The following MAST4 variants were observed in gnomAD, a reference collection of about 807,000 sequenced individuals.
The protein encoded by MAST4 is microtubule associated serine/threonine kinase family member 4, also known as microtubule-associated serine/threonine-protein kinase 4.
Under a neutral mutation model 162.7 loss-of-function variants are expected in MAST4, and 89 were observed. The observed-to-expected ratio is 0.55, with a 90% CI of 0.46 to 0.65. The LOEUF (loss-of-function observed/expected upper bound fraction) is 0.65. Among genes scored for constraint, MAST4 ranks in the 30% least tolerant of loss-of-function variants. The probability of loss-of-function intolerance (pLI) is 0.00; values close to 1 mark genes in which losing one functional copy is unlikely to be tolerated. For synonymous variants in MAST4, 1,479 were observed against 1,361.1 expected (o/e 1.09, Z -1.91); for missense variants, 3,153 against 3,374.0 (o/e 0.93, Z 1.62).
At chr5:66,819,496 G>T (rs1257905954) in intron 3 of MAST4, among the ~76,000 whole-genome samples, 4 of 152,080 alleles carry the variant, frequency 2.6e-5, no homozygotes, top group Non-Finnish European at 4.4e-5. Flanking sequence ...TTGCACAGGC[G>T]CTTCAGATCT....
At position 66,759,612 on chromosome 5, in the gene MAST4, A is replaced by G. The variant is rs546405941; in HGVS notation, c.364-97A>G. On this transcript the variant is annotated intron_variant, in intron 1 of 28. Transcript: ENST00000403625. ...CAGTGTTGGGAGAATGGAGTTTGAG[A>G]AGGAAAAGAAAGGAAGAAAAAGTGT... 11 of 1,442,340 alleles carry G rather than the reference A, an allele frequency of 7.6e-6. No homozygotes were observed. The East Asian group carries it at 2.6e-4, about 34-fold the overall frequency. 89.3% of individuals were successfully genotyped at this position (1,442,340 alleles called of 1,614,324 possible).
At chr5:66,745,821 T>C (rs1012512411) in intron 1 of MAST4, among the ~76,000 whole-genome samples, 1 of 152,246 alleles carries the variant, frequency 6.6e-6, no homozygotes, top group African/African-American at 2.4e-5. Context: ...CTTTAACCTT[T>C]AGCGCAATGT....
intron 1 of MAST4, among the ~76,000 whole-genome samples, chr5:66,649,837 G>T (rs76492109): frequency 0.02 from 3,018 of 152,186 alleles, 97 homozygotes; most frequent in African/African-American, 0.068. Flanking sequence ...GTCTGAGGTG[G>T]GTGGATTGCA....
chr5:66,873,178 G>A (rs1328652685), intron 3 of MAST4, among the ~76,000 whole-genome samples: 1 of 152,148 alleles, frequency 6.6e-6, no homozygotes, highest in Non-Finnish European at 1.5e-5. Context: ...GGTTTAAAAG[G>A]TCACATTCTT....
At position 67,106,136 on chromosome 5, in the gene MAST4, A is replaced by G. The variant is rs897946317; in HGVS notation, c.1356+1561A>G. 1.6e-4 allele frequency among the ~76,000 whole-genome samples: 24 copies of G among 152,150 alleles called. No homozygotes were observed. In the South Asian group the frequency reaches 4.8e-3, roughly 30 times the overall value. ...ATTTCTCTTCCAACTCCCGTTTTCT[A>G]CAAGTTTTCTCACGATCTCATCTTT... On this transcript the variant is annotated intron_variant, in intron 10 of 28. Transcript: ENST00000403625.
At chr5:66,607,639 G>T (rs561961275) in intron 1 of MAST4, among the ~76,000 whole-genome samples, 1 of 152,274 alleles carries the variant, frequency 6.6e-6, no homozygotes, top group South Asian at 2.1e-4. Context: ...GCAGGAATTT[G>T]GTCAGTAGTG....
intron 1 of MAST4, among the ~76,000 whole-genome samples, chr5:66,607,768 T>G (rs1466990678): frequency 6.6e-6 from 1 of 152,184 alleles, no homozygotes; most frequent in Non-Finnish European, 1.5e-5. Context: ...TAGCTACAGT[T>G]TTTTTATTTG....
chr5:67,043,465 A>T (rs72763040), intron 4 of MAST4, among the ~76,000 whole-genome samples: 8,901 of 152,238 alleles, frequency 0.058, 354 homozygotes, highest in Non-Finnish European at 0.086. Flanking sequence ...TTATTTCCAA[A>T]AAGGAAGATT....
intron 2 of MAST4, among the ~76,000 whole-genome samples, chr5:66,788,183 TG>T (rs899091292): frequency 2.6e-5 from 4 of 152,106 alleles, no homozygotes; most frequent in Admixed American, 1.3e-4. Context: ...AAAAAGGAGC[TG>T]GGGGAGAGGC....
chr5:67,132,479 A>G (rs1486967311), intron 16 of MAST4, among the ~76,000 whole-genome samples: 3 of 151,938 alleles, frequency 2.0e-5, no homozygotes, highest in Middle Eastern at 3.2e-3. Flanking sequence ...TTTTCTGGGT[A>G]GTTTCTTTAT....
At chr5:66,656,663 A>G (rs1389530144) in intron 1 of MAST4, among the ~76,000 whole-genome samples, 2 of 152,180 alleles carry the variant, frequency 1.3e-5, no homozygotes, top group South Asian at 2.1e-4. Context: ...TGCAGAGACA[A>G]TTCTAAGGTA....
intron 4 of MAST4, among the ~76,000 whole-genome samples, chr5:66,961,683 C>T (rs16875298): frequency 0.074 from 11,206 of 152,146 alleles, 1,404 homozygotes; most frequent in African/African-American, 0.26. Context: ...ATAGACACTT[C>T]GTAGCACTCA....
chr5:67,017,542 C>T (rs1255529141), intron 4 of MAST4, among the ~76,000 whole-genome samples: 7 of 151,486 alleles, frequency 4.6e-5, no homozygotes, highest in African/African-American at 1.7e-4. Context: ...TAAGTTTTAA[C>T]AAAGTTATGT....
At chr5:66,680,052 A>AG (rs1554041774) in intron 1 of MAST4, among the ~76,000 whole-genome samples, 1 of 152,176 alleles carries the variant, frequency 6.6e-6, no homozygotes, top group Non-Finnish European at 1.5e-5. Context: ...TGAAGAAAAA[A>AG]GGAGAGCCTT....
intron 4 of MAST4, among the ~76,000 whole-genome samples, chr5:66,916,817 A>G (rs1764148193): frequency 6.6e-6 from 1 of 152,172 alleles, no homozygotes; most frequent in Admixed American, 6.5e-5. Flanking sequence ...TAATTATATT[A>G]TGTTCTACAT....
chr5:67,139,645 A>G (rs1425102851), intron 19 of MAST4, among the ~76,000 whole-genome samples: 1 of 152,242 alleles, frequency 6.6e-6, no homozygotes, highest in East Asian at 1.9e-4. Flanking sequence ...TTCATTTACT[A>G]AGTATCTAAC....
intron 3 of MAST4, among the ~76,000 whole-genome samples, chr5:66,834,715 C>T (rs1362747231): frequency 6.6e-6 from 1 of 152,184 alleles, no homozygotes; most frequent in Non-Finnish European, 1.5e-5. Flanking sequence ...AGCCATGGCC[C>T]CCAGCCATTG....
At chr5:66,779,393 CTTTTT>C (rs57118930) in intron 2 of MAST4, among the ~76,000 whole-genome samples, 2 of 116,696 alleles carry the variant, frequency 1.7e-5, no homozygotes, top group East Asian at 2.5e-4. Context: ...ACACATAGCA[CTTTTT>C]TTTTTTTTTT....
chr5:67,021,104 T>A (rs1470524428), intron 4 of MAST4, among the ~76,000 whole-genome samples: 1 of 152,222 alleles, frequency 6.6e-6, no homozygotes, highest in East Asian at 1.9e-4. Flanking sequence ...CAGTCTTTCC[T>A]TTAGGCACTC....
Sources: allele counts gnomAD v4.1 joint callset (sites outside exome capture counted in the v4.1 genomes callset), GRCh38; gene constraint gnomAD v4.1.1; transcripts MANE v1.5; gene names NCBI Gene and HGNC (gene_info 2026-07-23, HGNC 2026-07-21).